RYR2: variants seen among roughly 807,000 people sequenced by gnomAD.
RYR2 encodes ryanodine receptor 2, also known as cardiac muscle ryanodine receptor-calcium release channel.
In RYR2, 227 loss-of-function variants were observed where a neutral mutation model predicts 601.1. That is an observed-to-expected ratio of 0.38 (90% CI 0.34 to 0.42). RYR2 has a LOEUF of 0.42. Among genes scored for constraint, RYR2 ranks in the 10% least tolerant of loss-of-function variants. RYR2 has a pLI of 1.00. For synonymous variants in RYR2, 2,223 were observed against 2,175.1 expected, an observed-to-expected ratio of 1.02 and a Z score of -0.61; for missense variants, 4,646 against 6,156.5, an observed-to-expected ratio of 0.75 and a Z score of 8.21.
intron 4 of RYR2, among the ~76,000 whole-genome samples, chr1:237,359,369 A>G (rs970461479): frequency 1.3e-5 from 2 of 152,212 alleles, no homozygotes; most frequent in African/African-American, 4.8e-5. Flanking sequence ...TTGAAAAATC[A>G]TAAATAGAAC....
At chr1:237,812,829 A>G (rs1265563808) in intron 100 of RYR2, among the ~76,000 whole-genome samples, 2 of 151,984 alleles carry the variant, frequency 1.3e-5, no homozygotes, top group Non-Finnish European at 2.9e-5. Context: ...CCCACTTCTT[A>G]AAACCATCTC....
Position 237,639,046 on chromosome 1 carries a change from G to T in RYR2, c.6960G>T (p.Val2320=). 1 of 1,613,784 alleles carries T rather than the reference G, an allele frequency of 6.2e-7. No individual in the cohort carries two copies. The highest frequency in any genetic ancestry group is 1.3e-5 in the African/African-American group (1 of 74,984). ...GESVEENANV[V]VRLLIRRPEC... Reference sequence around the variant, plus strand: ...GTGTGGAGGAAAATGCAAATGTCGTGGTGAGATTGCTCATTCGGAGGCCTG... The same window carrying T: ...GTGTGGAGGAAAATGCAAATGTCGTTGTGAGATTGCTCATTCGGAGGCCTG... Residue 2320 remains valine (V), a synonymous_variant, in exon 46 of 105, where the codon GTG becomes GTT. Transcript: ENST00000366574.
chr1:237,785,998 A>G lies in RYR2; in HGVS notation c.13290A>G (p.Glu4430=). The G allele has an allele frequency of 6.3e-7, 1 of 1,591,984 alleles. No individual in the cohort carries two copies. Among genetic ancestry groups the G allele is most frequent in the African/African-American group, 1.3e-5 (1 of 74,660 alleles). The change falls in exon 91 of 105, where the codon GAA becomes GAG. Residue 4430 remains glutamate, a synonymous_variant. Coordinates refer to ENST00000366574, the MANE Select transcript of RYR2 (RefSeq NM_001035.3). ...AGAAGGCAAAAGAAGAAGAAAAGGA[A>G]GAAAAAGAAGAAACCAAATCTGAAC... ...QEQKAKEEEK[E]EKEETKSEPE...
Position 237,659,993 on chromosome 1 carries a change from T to G in RYR2, c.8217T>G (p.Asn2739Lys). Residue 2739 changes from asparagine to lysine, a missense_variant, in exon 55 of 105, where the codon AAT becomes AAG. Around this residue, in one of 17 missense-constraint regions of RYR2, gnomAD observed 1,497 missense variants for 1,842.6 expected, o/e 0.81. Transcript: ENST00000366574. ...HDKWSMDKLANGWIYGEIYSD... is the reference protein window; with the variant it reads ...HDKWSMDKLAKGWIYGEIYSD... ...GTTTGCCTTTTTTTAAGTTGGCAAATGGATGGATTTATGGAGAAATATATT... is the reference window on the plus strand; with the variant it reads ...GTTTGCCTTTTTTTAAGTTGGCAAAGGGATGGATTTATGGAGAAATATATT... 1 of 1,582,114 alleles carries G rather than the reference T, an allele frequency of 6.3e-7. No homozygotes were observed. The highest frequency in any genetic ancestry group is 8.6e-7 in the Non-Finnish European group (1 of 1,168,484).
At chr1:237,596,709 A>G (rs1675928715) in intron 34 of RYR2, among the ~76,000 whole-genome samples, 7 of 152,230 alleles carry the variant, frequency 4.6e-5, no homozygotes, top group South Asian at 2.1e-4. Flanking sequence ...TCCAAGGCAC[A>G]TTATAATCAA....
intron 12 of RYR2, among the ~76,000 whole-genome samples, chr1:237,423,599 T>C (rs1705809017): frequency 6.7e-6 from 1 of 148,820 alleles, no homozygotes; most frequent in Middle Eastern, 3.4e-3. Flanking sequence ...AGGTGTTTCA[T>C]GTCGTTTACA....
intron 3 of RYR2, among the ~76,000 whole-genome samples, chr1:237,355,518 A>G (rs1250823331): frequency 2.0e-5 from 3 of 152,174 alleles, no homozygotes; most frequent in African/African-American, 4.8e-5. Context: ...TGCTAGAAAG[A>G]TTAGAGTAAG....
chr1:237,193,646 C>T (rs1680254738), intron 1 of RYR2, among the ~76,000 whole-genome samples: 1 of 152,160 alleles, frequency 6.6e-6, no homozygotes, highest in Admixed American at 6.5e-5. Flanking sequence ...GGGGAAGAAG[C>T]TGTTTTAAAT....
In RYR2 at chr1:237,685,285, AG is replaced by A. The variant is rs945878113; in HGVS notation, c.9018-2166del. On this transcript the variant is annotated intron_variant, in intron 62 of 104. Transcript: ENST00000366574. ...ATGCCCTAAAAGTGGATTGCACAGG[AG>A]GGGAAAGAGTTACAATTTGCCCTCT... is the stretch of plus-strand genomic sequence containing the variant. 1.6e-4 allele frequency among the ~76,000 whole-genome samples: 25 copies of A among 152,300 alleles called. 1 individual carries two copies. Among genetic ancestry groups the A allele is most frequent in the Admixed American group, 2.0e-4 (3 of 15,298 alleles).
chr1:237,264,080 C>G (rs929541457), intron 1 of RYR2, among the ~76,000 whole-genome samples: 6 of 114,526 alleles, frequency 5.2e-5, no homozygotes, highest in Non-Finnish European at 1.1e-4. Flanking sequence ...TGTACAAACA[C>G]ACATGCACAT....
chr1:237,556,880 CAAA>C (rs869116177), intron 27 of RYR2, among the ~76,000 whole-genome samples: 97 of 77,814 alleles, frequency 1.2e-3, no homozygotes, highest in African/African-American at 4.9e-3. Flanking sequence ...TCCCTCCCAC[CAAA>C]AAAAAAAAAA....
At chr1:237,331,338 T>C (rs1696690420) in intron 3 of RYR2, among the ~76,000 whole-genome samples, 1 of 152,222 alleles carries the variant, frequency 6.6e-6, no homozygotes, top group South Asian at 2.1e-4. Context: ...AACCTTTATT[T>C]CATTTTCAAA....
In RYR2 at chr1:237,614,667, G is replaced by C; in HGVS notation, c.5539G>C (p.Glu1847Gln). The C allele has an allele frequency of 6.2e-7, 1 of 1,613,974 alleles. No homozygotes were observed. Among genetic ancestry groups the C allele is most frequent in the East Asian group, 2.2e-5 (1 of 44,866 alleles). The change falls in exon 37 of 105, where the codon GAG (glutamate) becomes CAG (glutamine). Residue 1847 changes from glutamate to glutamine, a missense_variant. Glu to Gln is a conservative substitution (Grantham distance 29, BLOSUM62 2). Around this residue, in one of 17 missense-constraint regions of RYR2, gnomAD observed 1,807 missense variants for 2,088.1 expected, o/e 0.87. Coordinates refer to ENST00000366574, the MANE Select transcript of RYR2 (RefSeq NM_001035.3). This position sits in a 1 kb window ranked among gnomAD's most constrained non-coding sequence, Gnocchi z 4.3. Reference protein sequence around the residue: ...EDLKHILQLIEPSVFKEAATP... With the variant: ...EDLKHILQLIQPSVFKEAATP... Reference sequence around the variant, plus strand: ...CTTGAAGCACATCTTGCAGTTGATTGAGCCCAGTGTGTTTAAAGAAGCTGC... The same window carrying C: ...CTTGAAGCACATCTTGCAGTTGATTCAGCCCAGTGTGTTTAAAGAAGCTGC...
intron 53 of RYR2, among the ~76,000 whole-genome samples, chr1:237,656,431 T>C (rs1038050894): frequency 1.3e-5 from 2 of 152,196 alleles, no homozygotes; most frequent in Non-Finnish European, 2.9e-5. Flanking sequence ...GGTTAACAGC[T>C]GATGTTCAGC....
intron 2 of RYR2, among the ~76,000 whole-genome samples, chr1:237,316,461 T>C (rs1695123233): frequency 6.6e-6 from 1 of 152,166 alleles, no homozygotes; most frequent in African/African-American, 2.4e-5. Flanking sequence ...TCTGGTGATA[T>C]CTTAGTTTCA....
intron 1 of RYR2, among the ~76,000 whole-genome samples, chr1:237,237,943 TCC>T (rs372439925): frequency 4.6e-4 from 17 of 36,876 alleles, no homozygotes; most frequent in African/African-American, 8.1e-4. Flanking sequence ...CCCTTTCCTT[TCC>T]CCTTTCCTTT....
chr1:237,377,347 A>T lies in RYR2; in HGVS notation c.488A>T (p.His163Leu). 6.2e-7 allele frequency: 1 copy of T among 1,613,200 alleles called. No homozygotes were observed. The highest frequency in any genetic ancestry group is 8.5e-7 in the Non-Finnish European group (1 of 1,179,420). Residue 163 changes from histidine (H) to leucine (L), a missense_variant, in exon 8 of 105, where the codon CAC (histidine) becomes CTC (leucine). Physicochemically the swap from His to Leu is moderately conservative, Grantham distance 99 (BLOSUM62 -3). Coordinates refer to ENST00000366574, the MANE Select transcript of RYR2 (RefSeq NM_001035.3). ...TTGEACWWTIHPASKQRSEGE... is the reference protein window; with the variant it reads ...TTGEACWWTILPASKQRSEGE... ...GGGGAGGCTTGTTGGTGGACCATAC[A>T]CCCTGCCTCTAAGCAGCGATCAGAA...
chr1:237,679,950 T>C (rs139636900), intron 61 of RYR2, among the ~76,000 whole-genome samples: 3 of 152,272 alleles, frequency 2.0e-5, no homozygotes, highest in African/African-American at 7.2e-5. Context: ...AAATGGAAAG[T>C]GCACTTTAAG....
Position 237,286,553 on chromosome 1 carries a change from A to G in RYR2, c.168+15937A>G, listed in dbSNP as rs1691585275. Among the ~76,000 whole-genome samples the G allele has an allele frequency of 1.4e-5, 2 of 145,432 alleles. 1 individual carries two copies. Among genetic ancestry groups the G allele is most frequent in the African/African-American group, 5.2e-5 (2 of 38,588 alleles). Reference sequence around the variant, plus strand: ...TTCTTCCAATGTGTAGTTTAAATCCATTCTTTACTTTTTGTCTCCTTTAAC... The same window carrying G: ...TTCTTCCAATGTGTAGTTTAAATCCGTTCTTTACTTTTTGTCTCCTTTAAC... On this transcript the variant is annotated intron_variant, in intron 2 of 104. Transcript: ENST00000366574.
Sources: gnomAD v4.1 joint callset for allele counts (sites outside exome capture counted in the v4.1 genomes callset) on GRCh38, gnomAD v4.1.1 for gene constraint, gnomAD v4.1.1 regional missense constraint, Gnocchi (gnomAD v3.1) non-coding constraint, MANE v1.5 for transcripts, NCBI Gene and HGNC (gene_info 2026-07-23, HGNC 2026-07-21) for gene names.